The following CSPP1 variants were observed in gnomAD, a reference collection of about 807,000 sequenced individuals.
CSPP1 encodes centrosome and spindle pole associated protein 1, also known as centrosome and spindle pole-associated protein 1.
Under a neutral mutation model 164.4 loss-of-function variants are expected in CSPP1, and 126 were observed. That is an observed-to-expected ratio of 0.77 (90% CI 0.66 to 0.89). CSPP1 has a LOEUF of 0.89. Among genes scored for constraint, CSPP1 ranks in the 40% least tolerant of loss-of-function variants. The pLI is 0.00. For synonymous variants in CSPP1, 472 were observed against 476.7 expected, an observed-to-expected ratio of 0.99 and a Z score of 0.13; for missense variants, 1,395 against 1,449.8, an observed-to-expected ratio of 0.96 and a Z score of 0.61.
chr8:67,195,961 T>G lies in CSPP1; in HGVS notation c.*368T>G, dbSNP rs969957502. 5.0e-5 allele frequency: 9 copies of G among 180,182 alleles called. No homozygotes were observed. The highest frequency in any genetic ancestry group is 1.6e-4 in the Admixed American group (3 of 18,198). 11.2% of individuals were successfully genotyped at this position (180,182 alleles called of 1,614,324 possible). A position where few individuals can be genotyped will look rare whatever the true frequency, so the allele number is the denominator to read the frequency against. ...TTTGTTACATGCACATTTTCCATTG[T>G]TACCTCGATGCAAAAGAATTCATTT... is the stretch of plus-strand genomic sequence containing the variant. On this transcript the variant is annotated 3_prime_UTR_variant, in exon 31 of 31. Coordinates refer to ENST00000678616, the MANE Select transcript of CSPP1 (RefSeq NM_001382391.1).
chr8:67,187,203 G>A (rs1834915160), intron 28 of CSPP1, among the ~76,000 whole-genome samples: 1 of 152,158 alleles, frequency 6.6e-6, no homozygotes, highest in Non-Finnish European at 1.5e-5. Flanking sequence ...TTATTATGTG[G>A]ATAACAACAA....
intron 21 of CSPP1, among the ~76,000 whole-genome samples, chr8:67,160,320 C>T (rs1214301616): frequency 6.6e-6 from 1 of 151,812 alleles, no homozygotes; most frequent in Non-Finnish European, 1.5e-5. Context: ...CAAAAATTAG[C>T]TGGGCGTGGT....
chr8:67,085,738 A>G (rs911994506), intron 3 of CSPP1, among the ~76,000 whole-genome samples: 1 of 152,164 alleles, frequency 6.6e-6, no homozygotes, highest in Non-Finnish European at 1.5e-5. Context: ...TTAAAAAATT[A>G]TCTGCATGGA....
chr8:67,148,010 C>G (rs1309722681), intron 17 of CSPP1, among the ~76,000 whole-genome samples: 2 of 151,754 alleles, frequency 1.3e-5, no homozygotes, highest in Admixed American at 6.6e-5. Flanking sequence ...CCTGCACCCC[C>G]CCGGCTTAAG....
At chr8:67,193,668 G>T in intron 30 of CSPP1, 66 bp downstream of exon 30, 1 of 1,397,004 alleles carries the variant, frequency 7.2e-7, no homozygotes, top group East Asian at 2.3e-5. Flanking sequence ...TCTTACTCAA[G>T]GCTTTCACTA....
At position 67,181,979 on chromosome 8, in the gene CSPP1, C is replaced by T. The variant is rs188800115; in HGVS notation, c.3220+2053C>T. On this transcript the variant is annotated intron_variant, in intron 28 of 30. Coordinates refer to ENST00000678616, the MANE Select transcript of CSPP1 (RefSeq NM_001382391.1). Reference sequence around the variant, plus strand: ...TTCACATAACATCTTTGAGGTTTATCCATGTTATAGCATGTGTCAGATTTT... The same window carrying T: ...TTCACATAACATCTTTGAGGTTTATTCATGTTATAGCATGTGTCAGATTTT... Among the ~76,000 whole-genome samples, 24 of 152,148 alleles carry T rather than the reference C, an allele frequency of 1.6e-4. No individual in the cohort carries two copies. In the East Asian group the frequency reaches 4.6e-3, roughly 29 times the overall value.
chr8:67,175,047 T>G (rs1178320853), intron 25 of CSPP1: 8 of 418,062 alleles, frequency 1.9e-5, no homozygotes, highest in South Asian at 1.4e-4. Context: ...CAATGCAACA[T>G]CCACTGCTTG....
chr8:67,141,643 T>TTC (rs1468314651), intron 17 of CSPP1, among the ~76,000 whole-genome samples: 1 of 152,224 alleles, frequency 6.6e-6, no homozygotes, highest in East Asian at 1.9e-4. Flanking sequence ...TGCCTCAGCC[T>TTC]TCTGAGTAGC....
intron 16 of CSPP1, among the ~76,000 whole-genome samples, chr8:67,136,190 G>A (rs952401920): frequency 3.9e-5 from 6 of 152,102 alleles, no homozygotes; most frequent in Non-Finnish European, 5.9e-5. Context: ...GTGACACAGA[G>A]ACATGAAATT....
At chr8:67,158,347 G>C (rs992140903) in intron 19 of CSPP1, 100 bp from the exon 20 acceptor site, 2 of 1,272,192 alleles carry the variant, frequency 1.6e-6, no homozygotes, top group Non-Finnish European at 2.1e-6. Context: ...TGCAAAAAGA[G>C]GGTACAAGTG....
chr8:67,124,222 A>G (rs1176590135), intron 15 of CSPP1, among the ~76,000 whole-genome samples: 1 of 152,076 alleles, frequency 6.6e-6, no homozygotes, highest in African/African-American at 2.4e-5. Context: ...TATGTTAAAT[A>G]TTTAATAGCA....
chr8:67,157,986 C>G (rs1826991788), intron 19 of CSPP1: 1 of 152,256 alleles, frequency 6.6e-6, no homozygotes, highest in African/African-American at 2.4e-5. Flanking sequence ...TGATTGAATA[C>G]TAAAATACTA....
chr8:67,175,434 A>G lies in CSPP1; in HGVS notation c.3107A>G (p.Lys1036Arg), dbSNP rs1831363154. The change falls in exon 26 of 31, where the codon AAA becomes AGA. Residue 1036 changes from lysine to arginine, a missense_variant and splice_region_variant. Transcript: ENST00000678616. ...LNRIKMQEGA[K>R]VDLDAIPSAK... ...AGAATAAAAATGCAGGAAGGTGCCAAAGGTAAGAAATAATCATTGCTGTGT... is the reference window on the plus strand; with the variant it reads ...AGAATAAAAATGCAGGAAGGTGCCAGAGGTAAGAAATAATCATTGCTGTGT... 6.2e-7 allele frequency: 1 copy of G among 1,614,042 alleles called. No homozygotes were observed. The highest frequency in any genetic ancestry group is 8.5e-7 in the Non-Finnish European group (1 of 1,179,990).
At position 67,095,482 on chromosome 8, in the gene CSPP1, G is replaced by A. The variant is rs201451280; in HGVS notation, c.673G>A (p.Glu225Lys). 3.2e-5 allele frequency: 52 copies of A among 1,613,060 alleles called. No individual in the cohort carries two copies. The highest frequency in any genetic ancestry group is 4.1e-5 in the Non-Finnish European group (48 of 1,179,752). The change falls in exon 7 of 31, where the codon GAA (glutamate) becomes AAA (lysine). Residue 225 changes from glutamate to lysine, a missense_variant. Coordinates refer to ENST00000678616, the MANE Select transcript of CSPP1 (RefSeq NM_001382391.1). ...ATACCGACAACTAGATGATGAAATC[G>A]AATTAAGGAATAGAAGAATTATTAA... Reference protein sequence around the residue: ...DRYRQLDDEIELRNRRIIKKA... With the variant: ...DRYRQLDDEIKLRNRRIIKKA...
intron 10 of CSPP1, among the ~76,000 whole-genome samples, chr8:67,113,516 A>G (rs988420774): frequency 2.6e-5 from 4 of 152,072 alleles, no homozygotes; most frequent in Non-Finnish European, 5.9e-5. Context: ...TACAAGGTAA[A>G]TATTTTATTT....
intron 14 of CSPP1, 24 bp from the exon 15 acceptor site, chr8:67,118,719 T>C (rs746987657): frequency 1.3e-6 from 2 of 1,519,946 alleles, no homozygotes; most frequent in African/African-American, 2.8e-5. Context: ...TAAACTTTTT[T>C]TGTTTTTTTG....
chr8:67,160,428 G>T (rs1313031174), intron 21 of CSPP1, among the ~76,000 whole-genome samples: 1 of 148,106 alleles, frequency 6.8e-6, no homozygotes, highest in African/African-American at 2.5e-5. Flanking sequence ...CTGCACTGTG[G>T]CACTCCAGCC....
intron 29 of CSPP1, 61 bp downstream of exon 29, chr8:67,190,820 C>T (rs1162181559): frequency 8.1e-7 from 1 of 1,231,730 alleles, no homozygotes; most frequent in Non-Finnish European, 1.2e-6. Context: ...TGGGTTCTGA[C>T]CTGTGCTAAA....
At chr8:67,065,641 G>A (rs1205725698) in intron 1 of CSPP1, 1 of 369,616 alleles carries the variant, frequency 2.7e-6, no homozygotes, top group Non-Finnish European at 3.7e-6. Flanking sequence ...TTTTTTGTTT[G>A]TTTGTTTTGT....
Sources: gnomAD v4.1 joint callset for allele counts (sites outside exome capture counted in the v4.1 genomes callset) on GRCh38, gnomAD v4.1.1 for gene constraint, MANE v1.5 for transcripts, NCBI Gene and HGNC (gene_info 2026-07-23, HGNC 2026-07-21) for gene names.